MYO16: variants seen among roughly 807,000 people sequenced by gnomAD.
The protein encoded by MYO16 is unconventional myosin-XVI.
A neutral mutation model predicts 205.3 loss-of-function variants in MYO16; 94 were observed. The observed-to-expected ratio is 0.46, with a 90% CI of 0.39 to 0.54. The LOEUF (loss-of-function observed/expected upper bound fraction) is 0.54. MYO16 is among the 20% of genes least tolerant of loss of function. The pLI, the probability that MYO16 is intolerant of heterozygous loss-of-function variation, is 0.00. For missense variants in MYO16, 2,315 were observed against 2,387.5 expected (o/e 0.97, Z 0.63); for synonymous variants, 988 against 954.0 (o/e 1.04, Z -0.66).
chr13:108,838,747 T>G (rs1314538099), intron 9 of MYO16, among the ~76,000 whole-genome samples: 1 of 92,304 alleles, frequency 1.1e-5, no homozygotes, highest in South Asian at 4.5e-4. Context: ...ATACACTATA[T>G]ATATATACAC....
intron 4 of MYO16, among the ~76,000 whole-genome samples, chr13:108,736,457 T>A (rs1356806498): frequency 6.6e-6 from 1 of 152,162 alleles, no homozygotes; most frequent in Non-Finnish European, 1.5e-5. Flanking sequence ...TGGTTGTAGA[T>A]GTGTGGTGTT....
At chr13:108,696,905 C>T (rs1052043887) in intron 2 of MYO16, among the ~76,000 whole-genome samples, 3 of 151,250 alleles carry the variant, frequency 2.0e-5, no homozygotes, top group Non-Finnish European at 2.9e-5. Context: ...ATTGCTGTAG[C>T]TTTCTAATAA....
At chr13:108,856,829 G>C (rs1306738763) in intron 11 of MYO16, among the ~76,000 whole-genome samples, 2 of 152,112 alleles carry the variant, frequency 1.3e-5, no homozygotes, top group Non-Finnish European at 2.9e-5. Context: ...TAACTTTCTA[G>C]GGGAGGCTTC....
At chr13:108,792,745 C>T (rs1041739206) in intron 5 of MYO16, among the ~76,000 whole-genome samples, 5 of 152,066 alleles carry the variant, frequency 3.3e-5, no homozygotes, top group African/African-American at 1.2e-4. Context: ...CTCTTGCCCT[C>T]AGGTGATCTG....
the MYO16 span, among the ~76,000 whole-genome samples, chr13:108,570,508 T>A: frequency 6.6e-6 from 1 of 152,168 alleles, no homozygotes; most frequent in Non-Finnish European, 1.5e-5. Context: ...CCTTTGCCTC[T>A]CAAAGTGCTG....
chr13:108,529,352 C>A, the MYO16 span, among the ~76,000 whole-genome samples: 1 of 152,106 alleles, frequency 6.6e-6, no homozygotes. Context: ...TTGCACACTT[C>A]TTCATTTGCT....
intron 27 of MYO16, among the ~76,000 whole-genome samples, chr13:109,073,820 T>A (rs115734609): frequency 0.014 from 2,155 of 152,304 alleles, 47 homozygotes; most frequent in African/African-American, 0.049. Flanking sequence ...ATATGAGTAG[T>A]TTTGCTGTTG....
intron 10 of MYO16, among the ~76,000 whole-genome samples, chr13:108,846,720 A>G (rs1381093558): frequency 2.0e-5 from 3 of 152,094 alleles, no homozygotes; most frequent in Non-Finnish European, 4.4e-5. Flanking sequence ...TTTATTACAT[A>G]ACCTAGAGAA....
At chr13:109,001,978 A>G (rs1885229192) in intron 21 of MYO16, among the ~76,000 whole-genome samples, 1 of 152,204 alleles carries the variant, frequency 6.6e-6, no homozygotes. Context: ...TCTTATATAT[A>G]CACATATATA....
intron 28 of MYO16, among the ~76,000 whole-genome samples, chr13:109,111,591 A>G (rs1191942054): frequency 6.6e-6 from 1 of 152,260 alleles, no homozygotes; most frequent in Admixed American, 6.5e-5. Flanking sequence ...TTGTATGAAA[A>G]TGAAGCATTT....
At position 108,643,362 on chromosome 13, in the gene MYO16, G is replaced by A. The variant is rs144249301; in HGVS notation, c.28+13490G>A. 4.7e-4 allele frequency among the ~76,000 whole-genome samples: 71 copies of A among 152,258 alleles called. 1 individual carries two copies. The East Asian group carries it at 6.4e-3, about 14-fold the overall frequency. On this transcript the variant is annotated intron_variant, in intron 1 of 34. Coordinates refer to ENST00000457511, the MANE Select transcript of MYO16 (RefSeq NM_001198950.3). Reference sequence around the variant, plus strand: ...TCCTTTTAATTACTGAGTGGTGTTCGGTGGTGTGGATGCGCCATGGTTTGT... The same window carrying A: ...TCCTTTTAATTACTGAGTGGTGTTCAGTGGTGTGGATGCGCCATGGTTTGT...
intron 33 of MYO16, among the ~76,000 whole-genome samples, chr13:109,171,452 C>T (rs565488259): frequency 2.6e-5 from 4 of 152,150 alleles, no homozygotes; most frequent in Non-Finnish European, 5.9e-5. Context: ...TTTTGAATGC[C>T]AGTATCTGCA....
At chr13:108,498,746 G>A in the MYO16 span, among the ~76,000 whole-genome samples, 1 of 152,172 alleles carries the variant, frequency 6.6e-6, no homozygotes, top group Non-Finnish European at 1.5e-5. Flanking sequence ...CAGTCCTAGA[G>A]GGAGAAATGT....
At chr13:109,040,430 A>G (rs953144651) in intron 23 of MYO16, among the ~76,000 whole-genome samples, 26 of 151,746 alleles carry the variant, frequency 1.7e-4, no homozygotes, top group African/African-American at 5.1e-4. Context: ...TTAAAAACAA[A>G]AAACATCCCT....
chr13:108,839,563 A>G (rs1196788469), intron 9 of MYO16, among the ~76,000 whole-genome samples: 1 of 152,172 alleles, frequency 6.6e-6, no homozygotes, highest in Non-Finnish European at 1.5e-5. Flanking sequence ...TTAAAGAATC[A>G]TATCATTCAC....
the MYO16 span, among the ~76,000 whole-genome samples, chr13:108,547,135 CA>C: frequency 6.6e-6 from 1 of 151,898 alleles, no homozygotes; most frequent in South Asian, 2.1e-4. Context: ...AGCTGGGCAT[CA>C]TGGCGGGCAC....
At position 109,055,773 on chromosome 13, in the gene MYO16, G is replaced by A. The variant is rs1887398227; in HGVS notation, c.3335+178G>A. The A allele has an allele frequency of 1.7e-6, 1 of 586,008 alleles. No homozygotes were observed. Among genetic ancestry groups the A allele is most frequent in the Admixed American group, 3.0e-5 (1 of 33,114 alleles). The allele number at this position is 586,008 out of a possible 1,614,324, so 36.3% of individuals were successfully genotyped here. A position where few individuals can be genotyped will look rare whatever the true frequency, so the allele number is the denominator to read the frequency against. ...GGAAACAATGAAATACACTGACAAA[G>A]CTCACATAAAAAATAATTAAACTGT... is the stretch of plus-strand genomic sequence containing the variant. On this transcript the variant is annotated intron_variant, in intron 27 of 34. Coordinates refer to ENST00000457511, the MANE Select transcript of MYO16 (RefSeq NM_001198950.3). This position sits in a 1 kb window ranked among gnomAD's most constrained non-coding sequence, Gnocchi z 5.0.
At chr13:109,126,301 T>C (rs1876245764) in intron 30 of MYO16, among the ~76,000 whole-genome samples, 1 of 152,234 alleles carries the variant, frequency 6.6e-6, no homozygotes, top group Non-Finnish European at 1.5e-5. Context: ...CTGAGTGCCA[T>C]GCTTTCATCT....
intron 28 of MYO16, 50 bp downstream of exon 28, chr13:109,100,937 T>G (rs1303050950): frequency 6.6e-7 from 1 of 1,517,514 alleles, no homozygotes; most frequent in Admixed American, 1.7e-5. Context: ...TTTAAATAAA[T>G]GAGCTGAGTC....
Sources: gnomAD v4.1 joint callset for allele counts (sites outside exome capture counted in the v4.1 genomes callset) on GRCh38, gnomAD v4.1.1 for gene constraint, Gnocchi (gnomAD v3.1) non-coding constraint, MANE v1.5 for transcripts, NCBI Gene and HGNC (gene_info 2026-07-23, HGNC 2026-07-21) for gene names.